The following TRPM3 variants were observed in gnomAD, a reference collection of about 807,000 sequenced individuals.
TRPM3 encodes long transient receptor potential channel 3.
Under a neutral mutation model 181.2 loss-of-function variants are expected in TRPM3, and 77 were observed. That is an observed-to-expected ratio of 0.42 (90% CI 0.35 to 0.51). The LOEUF (loss-of-function observed/expected upper bound fraction) is 0.51. Among genes scored for constraint, TRPM3 ranks in the 20% least tolerant of loss-of-function variants. The pLI is 0.01. For synonymous variants in TRPM3, 745 were observed against 796.4 expected (o/e 0.94, Z 1.09); for missense variants, 1,759 against 2,196.7 (o/e 0.80, Z 3.98).
At chr9:70,541,220 A>G (rs528332923) in intron 25 of TRPM3, among the ~76,000 whole-genome samples, 69 of 152,290 alleles carry the variant, frequency 4.5e-4, no homozygotes, top group African/African-American at 1.6e-3. Context: ...GAACCAGGGG[A>G]GGGAGGCCTG....
exon 1 of TRPM3, chr9:71,446,686 G>C (rs1437123525): frequency 7.1e-6 from 11 of 1,550,440 alleles, no homozygotes; most frequent in Non-Finnish European, 9.6e-6. Context: ...CCGAGCGTTT[G>C]GTGGACCCCT....
intron 1 of TRPM3, among the ~76,000 whole-genome samples, chr9:70,886,610 G>A (rs1474060457): frequency 6.6e-6 from 1 of 152,152 alleles, no homozygotes; most frequent in Non-Finnish European, 1.5e-5. Context: ...TACTGGGGAT[G>A]GCGATCCTCT....
chr9:71,228,381 G>A (rs1403405393), intron 1 of TRPM3, among the ~76,000 whole-genome samples: 6 of 152,056 alleles, frequency 3.9e-5, no homozygotes, highest in African/African-American at 9.7e-5. Flanking sequence ...ACACTGACTG[G>A]GGAAAAACAA....
chr9:70,608,972 A>T (rs904725246), intron 19 of TRPM3, among the ~76,000 whole-genome samples: 3 of 152,216 alleles, frequency 2.0e-5, no homozygotes, highest in Non-Finnish European at 4.4e-5. Flanking sequence ...TGTTGAGTGG[A>T]TGTATGAACA....
rs532733034 is a variant in TRPM3 at position 70,601,282 on chromosome 9, A to G, written c.2796+2060T>C. Among the ~76,000 whole-genome samples, 97 of 152,266 alleles carry G rather than the reference A, an allele frequency of 6.4e-4. 1 individual carries two copies. The highest frequency in any genetic ancestry group is 2.2e-3 in the African/African-American group (90 of 41,556). On this transcript the variant is annotated intron_variant, in intron 20 of 25. Transcript: ENST00000677713. Reference sequence around the variant, plus strand: ...ATGCTGTAAACAGTGCCATGCTATTAAGGGATTACCGGGGCTTGCTTTGGT... The same window carrying G: ...ATGCTGTAAACAGTGCCATGCTATTGAGGGATTACCGGGGCTTGCTTTGGT...
chr9:71,344,491 A>G (rs1374972384), intron 1 of TRPM3, among the ~76,000 whole-genome samples: 1 of 152,162 alleles, frequency 6.6e-6, no homozygotes, highest in Non-Finnish European at 1.5e-5. Flanking sequence ...ATCAATGGAT[A>G]CTAAATCTAC....
intron 1 of TRPM3, among the ~76,000 whole-genome samples, chr9:71,069,608 C>CTTT (rs71367252): frequency 3.2e-5 from 4 of 126,642 alleles, no homozygotes; most frequent in African/African-American, 5.6e-5. Flanking sequence ...TTCCTTTTTT[C>CTTT]TTTTTTTTTT....
At chr9:70,641,898 C>T (rs1427132897) in intron 9 of TRPM3, among the ~76,000 whole-genome samples, 2 of 152,168 alleles carry the variant, frequency 1.3e-5, no homozygotes, top group Admixed American at 6.5e-5. Context: ...CTCCTCTCAG[C>T]CACTGTTGAT....
chr9:70,855,100 T>TA (rs1229682212), intron 3 of TRPM3, among the ~76,000 whole-genome samples: 6 of 152,208 alleles, frequency 3.9e-5, no homozygotes, highest in Non-Finnish European at 8.8e-5. Flanking sequence ...CATTTTTTAC[T>TA]AAAGCCTCTC....
chr9:70,687,578 G>A (rs2067292598), intron 8 of TRPM3, among the ~76,000 whole-genome samples: 1 of 152,176 alleles, frequency 6.6e-6, no homozygotes, highest in Non-Finnish European at 1.5e-5. Context: ...TCCGAATTCA[G>A]TTTGATGGAT....
chr9:71,107,960 AG>A (rs1457862830), intron 1 of TRPM3, among the ~76,000 whole-genome samples: 1 of 152,190 alleles, frequency 6.6e-6, no homozygotes, highest in African/African-American at 2.4e-5. Flanking sequence ...GAATTGACAA[AG>A]CTTGTGGAAC....
At chr9:70,600,108 G>C (rs764236872) in intron 20 of TRPM3, among the ~76,000 whole-genome samples, 11 of 152,136 alleles carry the variant, frequency 7.2e-5, no homozygotes, top group Non-Finnish European at 1.6e-4. Flanking sequence ...CCACACATGG[G>C]TCTATGAAAT....
intron 1 of TRPM3, among the ~76,000 whole-genome samples, chr9:71,433,403 G>A (rs760046139): frequency 1.1e-4 from 17 of 152,234 alleles, no homozygotes; most frequent in African/African-American, 1.7e-4. Context: ...TCCTGCCACC[G>A]TGTGAAGAAG....
At chr9:71,300,688 T>C (rs1281258349) in intron 1 of TRPM3, among the ~76,000 whole-genome samples, 1 of 152,268 alleles carries the variant, frequency 6.6e-6, no homozygotes, top group Admixed American at 6.5e-5. Flanking sequence ...GGTCAGTCTT[T>C]ATGATGTAAA....
At chr9:70,617,267 C>T (rs745916162) in intron 17 of TRPM3, among the ~76,000 whole-genome samples, 2 of 152,092 alleles carry the variant, frequency 1.3e-5, no homozygotes, top group Non-Finnish European at 2.9e-5. Context: ...CCGGGCTTGG[C>T]GGTCACCAGC....
chr9:70,921,691 C>T (rs776157950), intron 1 of TRPM3, among the ~76,000 whole-genome samples: 9 of 152,090 alleles, frequency 5.9e-5, no homozygotes, highest in Non-Finnish European at 1.0e-4. Flanking sequence ...CCCATTTCTC[C>T]GTTCTTGTGC....
At chr9:70,951,447 T>C (rs779085308) in intron 1 of TRPM3, among the ~76,000 whole-genome samples, 1 of 152,172 alleles carries the variant, frequency 6.6e-6, no homozygotes. Flanking sequence ...GTTCAAATGA[T>C]CCCTCTGCCT....
intron 1 of TRPM3, among the ~76,000 whole-genome samples, chr9:71,119,637 T>C (rs2134355813): frequency 6.6e-6 from 1 of 152,304 alleles, no homozygotes; most frequent in African/African-American, 2.4e-5. Flanking sequence ...TTAAAGCTGA[T>C]ACATGACTTT....
At chr9:70,889,842 C>A (rs183846966) in intron 1 of TRPM3, among the ~76,000 whole-genome samples, 19 of 151,030 alleles carry the variant, frequency 1.3e-4, no homozygotes, top group Admixed American at 4.6e-4. Flanking sequence ...GGAAACAGTA[C>A]AGAAAAGTAT....
Sources: allele counts gnomAD v4.1 joint callset (sites outside exome capture counted in the v4.1 genomes callset), GRCh38; gene constraint gnomAD v4.1.1; transcripts MANE v1.5; gene names NCBI Gene and HGNC (gene_info 2026-07-23, HGNC 2026-07-21).